Variants in ELF1 observed in about 807,000 individuals in gnomAD.
ELF1 encodes E74 like ETS transcription factor 1, also known as ETS-related transcription factor Elf-1.
In ELF1, 24 loss-of-function variants were observed where a neutral mutation model predicts 59.9. The observed-to-expected ratio is 0.40, with a 90% CI of 0.29 to 0.56. The LOEUF is 0.56. Among genes scored for constraint, ELF1 ranks in the 20% least tolerant of loss-of-function variants. The probability of loss-of-function intolerance (pLI) is 0.44; values close to 1 mark genes in which losing one functional copy is unlikely to be tolerated. For synonymous variants in ELF1, 248 were observed against 266.2 expected (o/e 0.93, Z 0.67); for missense variants, 627 against 742.2 (o/e 0.84, Z 1.80).
intron 8 of ELF1, among the ~76,000 whole-genome samples, chr13:40,936,786 AG>A (rs1294115845): frequency 1.3e-5 from 2 of 150,358 alleles, no homozygotes; most frequent in African/African-American, 4.9e-5. Context: ...AAGAAAAAAA[AG>A]AAAAAAAAAA....
At chr13:40,968,473 T>C (rs1289373164) in intron 2 of ELF1, among the ~76,000 whole-genome samples, 1 of 152,210 alleles carries the variant, frequency 6.6e-6, no homozygotes. Context: ...CCTTTCCATA[T>C]AGTGCCCCTC....
intron 1 of ELF1, among the ~76,000 whole-genome samples, chr13:41,047,463 A>T (rs1876902610): frequency 6.6e-6 from 1 of 151,888 alleles, no homozygotes; most frequent in African/African-American, 2.4e-5. Context: ...TTTGGTGTGG[A>T]TGTCCTTTCT....
chr13:40,990,080 T>TA (rs1873764596), intron 1 of ELF1, among the ~76,000 whole-genome samples: 1 of 152,182 alleles, frequency 6.6e-6, no homozygotes, highest in Admixed American at 6.5e-5. Flanking sequence ...ATTCGATACA[T>TA]AATTTTACAA....
At chr13:40,998,960 G>A (rs1874264174) in intron 1 of ELF1, among the ~76,000 whole-genome samples, 2 of 152,116 alleles carry the variant, frequency 1.3e-5, no homozygotes, top group South Asian at 4.1e-4. Flanking sequence ...AGGCACTTCA[G>A]CCCGGGCGAC....
At chr13:41,060,523 G>C (rs1877498464) in intron 1 of ELF1, among the ~76,000 whole-genome samples, 1 of 152,174 alleles carries the variant, frequency 6.6e-6, no homozygotes, top group Non-Finnish European at 1.5e-5. Flanking sequence ...AGGCGGGAGG[G>C]AGAAGGATCG....
chr13:41,039,385 C>T (rs1360256869), intron 1 of ELF1, among the ~76,000 whole-genome samples: 5 of 140,208 alleles, frequency 3.6e-5, no homozygotes, highest in African/African-American at 1.3e-4. Flanking sequence ...CTTACACAAG[C>T]AAATACATTT....
At chr13:40,961,870 C>T (rs538049242) in intron 2 of ELF1, among the ~76,000 whole-genome samples, 6 of 152,290 alleles carry the variant, frequency 3.9e-5, no homozygotes, top group Non-Finnish European at 5.9e-5. Context: ...CAGAGACAGG[C>T]GTGTAAAATG....
chr13:40,993,571 C>T (rs1873979252), intron 1 of ELF1, among the ~76,000 whole-genome samples: 1 of 152,026 alleles, frequency 6.6e-6, no homozygotes, highest in African/African-American at 2.4e-5. Context: ...GCCTCAAACT[C>T]CTGGCCTCAA....
chr13:40,993,098 C>G (rs1297801128), intron 1 of ELF1: 22 of 1,607,392 alleles, frequency 1.4e-5, no homozygotes, highest in Non-Finnish European at 1.9e-5. Context: ...GAGACCAGGG[C>G]AAGACTTCCT....
At chr13:40,991,635 C>G (rs1873858438) in intron 1 of ELF1, among the ~76,000 whole-genome samples, 1 of 151,010 alleles carries the variant, frequency 6.6e-6, no homozygotes, top group South Asian at 2.1e-4. Flanking sequence ...GAAAATCATA[C>G]TACCTTAATA....
At chr13:41,053,658 A>C (rs1320596576) in intron 1 of ELF1, among the ~76,000 whole-genome samples, 2 of 152,200 alleles carry the variant, frequency 1.3e-5, no homozygotes, top group Non-Finnish European at 2.9e-5. Flanking sequence ...TATTTATAAC[A>C]TTATTGGCTG....
chr13:41,003,262 G>A (rs1874567817), intron 1 of ELF1, among the ~76,000 whole-genome samples: 1 of 152,076 alleles, frequency 6.6e-6, no homozygotes, highest in Admixed American at 6.6e-5. Context: ...CATGTAAAAG[G>A]ACACTCAAAA....
chr13:40,973,849 T>G (rs144507482), intron 2 of ELF1, among the ~76,000 whole-genome samples: 4 of 152,300 alleles, frequency 2.6e-5, no homozygotes, highest in African/African-American at 7.2e-5. Context: ...AATGGAGTAA[T>G]GATACATGGC....
At chr13:41,000,566 T>C (rs553438822) in intron 1 of ELF1, among the ~76,000 whole-genome samples, 1 of 152,236 alleles carries the variant, frequency 6.6e-6, no homozygotes, top group East Asian at 1.9e-4. Flanking sequence ...ATCGCTTTGT[T>C]GTACTCTTGG....
rs1869999402 is a variant in ELF1 at position 40,939,508 on chromosome 13, C to A, written c.1256+1413G>T. On this transcript the variant is annotated intron_variant, in intron 8 of 8. Coordinates refer to ENST00000239882, the MANE Select transcript of ELF1 (RefSeq NM_172373.4). Reference sequence around the variant, plus strand: ...TATCAACACAAATACAAACAACAAACAGCCTAGAAACCAATGGGAGGAACC... The same window carrying A: ...TATCAACACAAATACAAACAACAAAAAGCCTAGAAACCAATGGGAGGAACC... Among the ~76,000 whole-genome samples, 8 of 152,160 alleles carry A rather than the reference C, an allele frequency of 5.3e-5. No individual in the cohort carries two copies. The South Asian group carries it at 1.7e-3, about 32-fold the overall frequency.
At chr13:40,967,337 G>C (rs1234688385) in intron 2 of ELF1, among the ~76,000 whole-genome samples, 1 of 152,122 alleles carries the variant, frequency 6.6e-6, no homozygotes, top group Non-Finnish European at 1.5e-5. Flanking sequence ...CTCCACCATG[G>C]CCTGGGTATT....
chr13:40,943,819 C>A (rs770311903), intron 6 of ELF1, 23 bp downstream of exon 6: 2 of 1,594,430 alleles, frequency 1.3e-6, no homozygotes, highest in Admixed American at 1.7e-5. Context: ...GTTATTTGAC[C>A]TATAAGTATT....
intron 1 of ELF1, among the ~76,000 whole-genome samples, chr13:41,045,373 T>A (rs1416357737): frequency 1.3e-5 from 2 of 152,184 alleles, no homozygotes; most frequent in African/African-American, 2.4e-5. Context: ...TTCTTTTAAT[T>A]GTGATGTTAG....
chr13:41,013,250 G>A (rs1280625244), intron 1 of ELF1, among the ~76,000 whole-genome samples: 2 of 152,112 alleles, frequency 1.3e-5, no homozygotes, highest in Admixed American at 6.5e-5. Flanking sequence ...ACTCTGCAAA[G>A]CCTTCACATC....
Sources: allele counts gnomAD v4.1 joint callset (sites outside exome capture counted in the v4.1 genomes callset), GRCh38; gene constraint gnomAD v4.1.1; transcripts MANE v1.5; gene names NCBI Gene and HGNC (gene_info 2026-07-23, HGNC 2026-07-21).